EGF: variants seen among roughly 807,000 people sequenced by gnomAD.
The protein encoded by EGF is epidermal growth factor, also known as pro-epidermal growth factor.
A neutral mutation model predicts 143.8 loss-of-function variants in EGF; 95 were observed. That is an observed-to-expected ratio of 0.66 (90% confidence interval 0.56 to 0.78). EGF has a LOEUF of 0.78. Among genes scored for constraint, EGF ranks in the 30% least tolerant of loss-of-function variants. The pLI is 0.00. For missense variants in EGF, 1,320 were observed against 1,470.9 expected (o/e 0.90, Z 1.68); for synonymous variants, 510 against 510.5 (o/e 1.00, Z 0.01).
At chr4:109,971,183 T>A (rs1247196752) in intron 11 of EGF, among the ~76,000 whole-genome samples, 1 of 152,066 alleles carries the variant, frequency 6.6e-6, no homozygotes, top group Non-Finnish European at 1.5e-5. Context: ...AGATGGCCAT[T>A]TGCAAAGCAT....
chr4:109,991,208 T>C (rs1028102287), intron 18 of EGF, among the ~76,000 whole-genome samples: 5 of 136,732 alleles, frequency 3.7e-5, no homozygotes, highest in African/African-American at 1.7e-4. Flanking sequence ...ATCCAAAATA[T>C]TAACATTTTA....
intron 21 of EGF, among the ~76,000 whole-genome samples, 162 bp downstream of exon 21, chr4:110,000,008 T>C (rs1752355141): frequency 6.6e-6 from 1 of 152,054 alleles, no homozygotes; most frequent in Non-Finnish European, 1.5e-5. Flanking sequence ...TCCCAGCACT[T>C]TGGGAGGCCG....
intron 11 of EGF, among the ~76,000 whole-genome samples, chr4:109,973,414 G>A (rs960340844): frequency 2.4e-4 from 36 of 151,966 alleles, no homozygotes; most frequent in African/African-American, 8.7e-4. Context: ...CCTTTGCCTG[G>A]CTGCCTGCTT....
chr4:110,004,105 A>G (rs1560770421), intron 21 of EGF: 1 of 219,990 alleles, frequency 4.5e-6, no homozygotes, highest in Non-Finnish European at 9.3e-6. Flanking sequence ...TTGTTTTTTC[A>G]TTGCTATATC....
chr4:109,989,058 A>G (rs976978006), intron 18 of EGF, among the ~76,000 whole-genome samples: 3 of 152,142 alleles, frequency 2.0e-5, no homozygotes, highest in Non-Finnish European at 2.9e-5. Flanking sequence ...TTGTCAGTGA[A>G]TTTGGTAAGA....
At chr4:109,995,257 A>C (rs1751604739) in intron 20 of EGF, among the ~76,000 whole-genome samples, 1 of 152,164 alleles carries the variant, frequency 6.6e-6, no homozygotes. Flanking sequence ...ATGTGTGAGC[A>C]TCCGTGATCT....
rs1200932920 is a variant in EGF, at chr4:109,913,217, C to A, written c.-119C>A. On this transcript the variant is annotated 5_prime_UTR_variant, in exon 1 of 24. Coordinates refer to ENST00000265171, the MANE Select transcript of EGF (RefSeq NM_001963.6). ...GCACAACAGGAGAGTAAAAGATGCCCCAGGGCTGAGGCCTCCGCTCAGGCA... is the reference window on the plus strand; with the variant it reads ...GCACAACAGGAGAGTAAAAGATGCCACAGGGCTGAGGCCTCCGCTCAGGCA... 4.6e-6 allele frequency: 6 copies of A among 1,294,010 alleles called. No homozygotes were observed. The highest frequency in any genetic ancestry group is 6.6e-6 in the Non-Finnish European group (6 of 902,656). The allele number at this position is 1,294,010 out of a possible 1,614,324, so 80.2% of individuals were successfully genotyped here.
intron 23 of EGF, among the ~76,000 whole-genome samples, chr4:110,010,352 A>C (rs1431957735): frequency 6.6e-6 from 1 of 152,226 alleles, no homozygotes; most frequent in Admixed American, 6.5e-5. Context: ...TACACAGTAA[A>C]AGCTAAAGAG....
chr4:109,953,362 T>C (rs2126036052), intron 5 of EGF, among the ~76,000 whole-genome samples: 1 of 152,360 alleles, frequency 6.6e-6, no homozygotes, highest in East Asian at 1.9e-4. Flanking sequence ...CTCAAAGCAA[T>C]GACATTCTAA....
intron 3 of EGF, among the ~76,000 whole-genome samples, 178 bp from the exon 4 acceptor site, chr4:109,943,664 C>T (rs1742317970): frequency 6.6e-6 from 1 of 151,734 alleles, no homozygotes; most frequent in African/African-American, 2.4e-5. Context: ...GCATAATTCC[C>T]TTTCTAACTT....
At chr4:109,948,089 C>T (rs965503250) in intron 5 of EGF, among the ~76,000 whole-genome samples, 1 of 152,160 alleles carries the variant, frequency 6.6e-6, no homozygotes, top group South Asian at 2.1e-4. Flanking sequence ...GCATGAATTT[C>T]GGAAGAAAAT....
intron 22 of EGF, among the ~76,000 whole-genome samples, chr4:110,007,083 C>T (rs1482173659): frequency 1.3e-5 from 2 of 152,092 alleles, no homozygotes; most frequent in African/African-American, 4.8e-5. Context: ...CAGTGTGTTG[C>T]TGCAGGAGAT....
intron 1 of EGF, among the ~76,000 whole-genome samples, chr4:109,928,509 T>C (rs1739124283): frequency 6.6e-6 from 1 of 152,138 alleles, no homozygotes; most frequent in Non-Finnish European, 1.5e-5. Flanking sequence ...TCAGAGCTCT[T>C]ATAAGATCTA....
At chr4:109,933,809 A>T (rs2125983689) in intron 1 of EGF, among the ~76,000 whole-genome samples, 1 of 152,128 alleles carries the variant, frequency 6.6e-6, no homozygotes, top group South Asian at 2.1e-4. Context: ...CATTTTCTTT[A>T]TGCAGTCTAT....
In EGF at chr4:109,930,815, G is replaced by A. The variant is rs79787747; in HGVS notation, c.128-10131G>A. Among the ~76,000 whole-genome samples, 34 of 152,268 alleles carry A rather than the reference G, an allele frequency of 2.2e-4. 1 individual carries two copies. The East Asian group carries it at 5.2e-3, about 23-fold the overall frequency. On this transcript the variant is annotated intron_variant, in intron 1 of 23. Coordinates refer to ENST00000265171, the MANE Select transcript of EGF (RefSeq NM_001963.6). Reference sequence around the variant, plus strand: ...TTTTCATCACTGACCTCTGTGTTATGTAGTCATAGTTCTTTGTAGTCACTG... The same window carrying A: ...TTTTCATCACTGACCTCTGTGTTATATAGTCATAGTTCTTTGTAGTCACTG...
intron 23 of EGF, 27 bp from the exon 24 acceptor site, chr4:110,011,175 T>C (rs1753950652): frequency 1.9e-6 from 3 of 1,612,596 alleles, no homozygotes; most frequent in Non-Finnish European, 2.5e-6. Context: ...GATATGAATA[T>C]TGAAATTTCT....
chr4:109,981,033 C>T, intron 15 of EGF, 58 bp downstream of exon 15: 1 of 1,601,634 alleles, frequency 6.2e-7, no homozygotes, highest in East Asian at 2.2e-5. Flanking sequence ...TACAGCTGTA[C>T]ATCAATCTTT....
Position 109,997,989 on chromosome 4 carries a change from G to A in EGF, c.3006-1690G>A, listed in dbSNP as rs561844475. The stretch of plus-strand genomic sequence containing the variant: ...GAATCTTTTGTTTGGTTTAACAGAA[G>A]AACTAATTCATAACCAAAGAACTAG... On this transcript the variant is annotated intron_variant, in intron 20 of 23. Coordinates refer to ENST00000265171, the MANE Select transcript of EGF (RefSeq NM_001963.6). 1.2e-3 allele frequency among the ~76,000 whole-genome samples: 181 copies of A among 152,290 alleles called. 3 individuals are homozygous for A. Among genetic ancestry groups the A allele is most frequent in the South Asian group, 4.6e-3 (22 of 4,820 alleles).
chr4:109,915,589 A>C (rs1486002912), intron 1 of EGF, among the ~76,000 whole-genome samples: 1 of 152,168 alleles, frequency 6.6e-6, no homozygotes, highest in Non-Finnish European at 1.5e-5. Context: ...TCCTGGTCTC[A>C]TGTTAGCTGA....
Sources: allele counts gnomAD v4.1 joint callset (sites outside exome capture counted in the v4.1 genomes callset), GRCh38; gene constraint gnomAD v4.1.1; transcripts MANE v1.5; gene names NCBI Gene and HGNC (gene_info 2026-07-23, HGNC 2026-07-21).